Variants in TENT5D observed in about 807,000 individuals in gnomAD.
The protein encoded by TENT5D is terminal nucleotidyltransferase 5D, also known as cancer/testis antigen 112.
For synonymous variants in TENT5D, 103 were observed against 100.6 expected (o/e 1.02, Z -0.15); for missense variants, 191 against 287.0 (o/e 0.67, Z 2.42).
At chrX:80,441,437 T>G (rs924545142) in intron 2 of TENT5D, among the ~76,000 whole-genome samples, 5 of 111,451 alleles carry the variant, frequency 4.5e-5, no homozygotes, top group African/African-American at 1.6e-4. Flanking sequence ...ATTTATATTC[T>G]GTTTTGATAG....
intron 1 of TENT5D, among the ~76,000 whole-genome samples, chrX:80,429,344 C>G (rs1370491784): frequency 9.0e-6 from 1 of 111,084 alleles, no homozygotes; most frequent in Middle Eastern, 4.2e-3. Context: ...GTTTTGTCGC[C>G]CAGGCTGAAA....
At chrX:80,412,532 C>T (rs758286332) in intron 3 of TENT5D, among the ~76,000 whole-genome samples, 1 of 112,395 alleles carries the variant, frequency 8.9e-6, no homozygotes, top group Non-Finnish European at 1.9e-5. Context: ...TTTAACAGCA[C>T]ACAAGTCACC....
At chrX:80,339,737 A>T (rs751327580) in intron 2 of TENT5D, among the ~76,000 whole-genome samples, 6 of 110,618 alleles carry the variant, frequency 5.4e-5, no homozygotes, top group Non-Finnish European at 9.5e-5. Flanking sequence ...TGAAAAAAAA[A>T]GTCTTGGAAA....
At chrX:80,377,639 T>C (rs1235617391) in intron 3 of TENT5D, among the ~76,000 whole-genome samples, 1 of 112,386 alleles carries the variant, frequency 8.9e-6, no homozygotes, top group Non-Finnish European at 1.9e-5. Context: ...CTATCATTGA[T>C]GGACATTTGG....
intron 3 of TENT5D, among the ~76,000 whole-genome samples, chrX:80,342,778 A>G (rs975570810): frequency 2.7e-5 from 3 of 111,979 alleles, no homozygotes; most frequent in Admixed American, 9.5e-5. Context: ...TTAATAAATA[A>G]TGTATGATTT....
At chrX:80,420,825 T>C (rs1931868520) in intron 1 of TENT5D, among the ~76,000 whole-genome samples, 1 of 112,006 alleles carries the variant, frequency 8.9e-6, no homozygotes, top group Non-Finnish European at 1.9e-5. Flanking sequence ...ATAAAAGACA[T>C]AACTGATACG....
chrX:80,344,220 T>A (rs1256555158), intron 3 of TENT5D, among the ~76,000 whole-genome samples: 1 of 110,642 alleles, frequency 9.0e-6, no homozygotes, highest in African/African-American at 3.3e-5. Context: ...CTGAGTTGAT[T>A]CCATCTCTTT....
intron 3 of TENT5D, among the ~76,000 whole-genome samples, chrX:80,348,946 A>C (rs781201945): frequency 8.9e-6 from 1 of 111,905 alleles, no homozygotes; most frequent in African/African-American, 3.3e-5. Context: ...GGTTCTGTTT[A>C]TGTGTTAGAT....
intron 3 of TENT5D, among the ~76,000 whole-genome samples, chrX:80,391,329 C>A (rs915497778): frequency 6.3e-5 from 7 of 111,303 alleles, no homozygotes; most frequent in Admixed American, 2.9e-4. Flanking sequence ...TAATTTTATT[C>A]TTTTTTAACT....
intron 3 of TENT5D, among the ~76,000 whole-genome samples, chrX:80,381,416 T>C (rs748614022): frequency 1.8e-3 from 197 of 111,657 alleles, no homozygotes; most frequent in Non-Finnish European, 2.8e-3. Context: ...TCAACCTTGG[T>C]AAATCTGACA....
intron 1 of TENT5D, among the ~76,000 whole-genome samples, chrX:80,422,803 A>G (rs1226478632): frequency 8.9e-6 from 1 of 111,798 alleles, no homozygotes; most frequent in African/African-American, 3.3e-5. Flanking sequence ...GGTGTTGGCT[A>G]TAATTCTGGA....
intron 2 of TENT5D, among the ~76,000 whole-genome samples, chrX:80,337,497 A>T (rs192000343): frequency 1.2e-3 from 133 of 111,913 alleles, no homozygotes; most frequent in Non-Finnish European, 2.3e-3. Flanking sequence ...TTTTGTATAC[A>T]TGAAATGATA....
At chrX:80,439,954 C>A (rs1250392264) in intron 2 of TENT5D, among the ~76,000 whole-genome samples, 1 of 110,530 alleles carries the variant, frequency 9.0e-6, no homozygotes, top group African/African-American at 3.3e-5. Flanking sequence ...ATAAAATAGA[C>A]TTGATTCCAA....
At chrX:80,384,976 T>C (rs1280548780) in intron 3 of TENT5D, among the ~76,000 whole-genome samples, 2 of 111,346 alleles carry the variant, frequency 1.8e-5, no homozygotes, top group Non-Finnish European at 3.8e-5. Context: ...GAATCAATAT[T>C]GTGAAAATGG....
chrX:80,358,016 C>A (rs1930324421), intron 3 of TENT5D, among the ~76,000 whole-genome samples: 1 of 111,392 alleles, frequency 9.0e-6, no homozygotes. Context: ...TGTCACATAT[C>A]TTCAACTATC....
chrX:80,372,103 C>CA (rs906592443), intron 3 of TENT5D, among the ~76,000 whole-genome samples: 2 of 110,513 alleles, frequency 1.8e-5, no homozygotes, highest in African/African-American at 6.6e-5. Flanking sequence ...TCTAAAATTC[C>CA]AAAAATCCCA....
At chrX:80,379,094 CGAAGGCCTTTTCTGCATTCTCTTGCAGA>C (rs1930797542) in intron 3 of TENT5D, among the ~76,000 whole-genome samples, 1 of 101,610 alleles carries the variant, frequency 9.8e-6, no homozygotes, top group African/African-American at 3.7e-5. Flanking sequence ...TGAATTTTGT[CGAAGGCCTTTTCTGCATTCTCTTGCAGA>C]AAAGGCCTTT....
intron 3 of TENT5D, among the ~76,000 whole-genome samples, chrX:80,404,597 G>A (rs778654214): frequency 1.8e-5 from 2 of 111,716 alleles, no homozygotes; most frequent in South Asian, 3.7e-4. Flanking sequence ...CATCTCTTCC[G>A]CAATAGTTTC....
Position 80,339,856 on chromosome X carries a change from AAT to A in TENT5D, c.-206-2628_-206-2627del, listed in dbSNP as rs750677776. Among the ~76,000 whole-genome samples the A allele has an allele frequency of 7.4e-4, 76 of 102,120 alleles. 2 individuals are homozygous for A. In the East Asian group the frequency reaches 8.2e-3, roughly 11 times the overall value. The allele number at this position is 102,120 out of a possible 115,157, so 88.7% of individuals were successfully genotyped here. A position where few individuals can be genotyped will look rare whatever the true frequency, so the allele number is the denominator to read the frequency against. The stretch of plus-strand genomic sequence containing the variant: ...GTGATTATAATAGATAGTTATCGGA[AAT>A]ATATATATATATATAGAGAGAGAGA... On this transcript the variant is annotated intron_variant, in intron 2 of 4. Transcript: ENST00000538312.
Sources: allele counts gnomAD v4.1 joint callset (sites outside exome capture counted in the v4.1 genomes callset), GRCh38; gene constraint gnomAD v4.1.1; transcripts MANE v1.5; gene names NCBI Gene and HGNC (gene_info 2026-07-23, HGNC 2026-07-21).